HTR2C: variants seen among roughly 807,000 people sequenced by gnomAD.
HTR2C encodes the protein 5-hydroxytryptamine (serotonin) receptor 2C, G protein-coupled.
In HTR2C, 5 loss-of-function variants were observed where a neutral mutation model predicts 21.0. That is an observed-to-expected ratio of 0.24 (90% CI 0.12 to 0.50). The LOEUF (loss-of-function observed/expected upper bound fraction) is 0.50, where lower values mean the gene tolerates loss of function less well. HTR2C is among the 20% of genes least tolerant of loss of function. The probability of loss-of-function intolerance (pLI) is 0.98; values close to 1 mark genes in which losing one functional copy is unlikely to be tolerated. For synonymous variants in HTR2C, 150 were observed against 145.3 expected, an observed-to-expected ratio of 1.03 and a Z score of -0.23; for missense variants, 271 against 371.2, an observed-to-expected ratio of 0.73 and a Z score of 2.22.
At position 114,906,987 on chromosome X, in the gene HTR2C, T is replaced by C; in HGVS notation, c.949T>C (p.Phe317Leu). 8.3e-7 allele frequency: 1 copy of C among 1,211,332 alleles called. No homozygotes were observed. The highest frequency in any genetic ancestry group is 1.1e-6 in the Non-Finnish European group (1 of 895,317). Residue 317 changes from phenylalanine to leucine, a missense_variant, in exon 6 of 6, where the codon TTC (phenylalanine) becomes CTC (leucine). Transcript: ENST00000276198. ...RKASKVLGIV[F>L]FVFLIMWCPF... ...AGCTTCGAAAGTCCTTGGGATTGTT[T>C]TCTTTGTGTTTCTGATCATGTGGTG...
At chrX:114,654,062 TG>T (rs1556408947) in intron 2 of HTR2C, among the ~76,000 whole-genome samples, 1 of 110,333 alleles carries the variant, frequency 9.1e-6, no homozygotes, top group Non-Finnish European at 1.9e-5. Context: ...AATAATATCT[TG>T]TCTATCTGAA....
chrX:114,753,525 G>A (rs1556428781), intron 4 of HTR2C, among the ~76,000 whole-genome samples: 1 of 111,544 alleles, frequency 9.0e-6, no homozygotes, highest in African/African-American at 3.3e-5. Flanking sequence ...TGATGTAATT[G>A]TTTTTGTAGA....
intron 2 of HTR2C, among the ~76,000 whole-genome samples, chrX:114,689,737 A>G (rs1932051772): frequency 9.0e-6 from 1 of 111,541 alleles, no homozygotes; most frequent in South Asian, 3.7e-4. Context: ...TAACCAATCA[A>G]TGTAAAGATG....
At chrX:114,675,488 T>A (rs1318279203) in intron 2 of HTR2C, among the ~76,000 whole-genome samples, 1 of 112,501 alleles carries the variant, frequency 8.9e-6, no homozygotes, top group African/African-American at 3.2e-5. Context: ...CTAATCTATA[T>A]CCACAGGGTA....
intron 5 of HTR2C, among the ~76,000 whole-genome samples, chrX:114,871,070 A>C (rs1303826824): frequency 9.0e-6 from 1 of 110,509 alleles, no homozygotes; most frequent in African/African-American, 3.3e-5. Context: ...TATAGCTATA[A>C]AGTGCCTCTT....
At chrX:114,661,034 C>T (rs1227127717) in intron 2 of HTR2C, among the ~76,000 whole-genome samples, 3 of 112,515 alleles carry the variant, frequency 2.7e-5, no homozygotes, top group Non-Finnish European at 5.6e-5. Flanking sequence ...TTCCCCTCCC[C>T]TAAGCTTCCA....
intron 4 of HTR2C, among the ~76,000 whole-genome samples, chrX:114,757,367 T>C (rs1465393180): frequency 8.9e-6 from 1 of 111,891 alleles, no homozygotes; most frequent in Non-Finnish European, 1.9e-5. Context: ...TTCAATAGAA[T>C]TGTAATTTTT....
At chrX:114,779,897 GTA>G (rs1556440119) in intron 4 of HTR2C, among the ~76,000 whole-genome samples, 1 of 38,805 alleles carries the variant, frequency 2.6e-5, no homozygotes, top group Non-Finnish European at 6.7e-5. Context: ...GGATGTATAT[GTA>G]TATGTGTGTG....
chrX:114,892,914 A>T (rs1556483086), intron 5 of HTR2C, among the ~76,000 whole-genome samples: 1 of 105,553 alleles, frequency 9.5e-6, no homozygotes, highest in African/African-American at 3.3e-5. Flanking sequence ...TTTTATTTTT[A>T]TTTTTATTTT....
At chrX:114,673,306 T>C (rs1931446867) in intron 2 of HTR2C, among the ~76,000 whole-genome samples, 2 of 111,963 alleles carry the variant, frequency 1.8e-5, no homozygotes, top group South Asian at 7.3e-4. Flanking sequence ...TTATCTTCAA[T>C]GGATTTGATG....
chrX:114,724,309 G>A (rs1183565664), intron 2 of HTR2C, among the ~76,000 whole-genome samples: 1 of 100,424 alleles, frequency 1.0e-5, no homozygotes, highest in Non-Finnish European at 2.0e-5. Context: ...TTGGTTTAAA[G>A]TCTGTTTTAT....
chrX:114,610,556 C>T (rs1556398346), intron 1 of HTR2C, among the ~76,000 whole-genome samples: 1 of 111,579 alleles, frequency 9.0e-6, no homozygotes, highest in Admixed American at 9.6e-5. Flanking sequence ...AATAGAATTG[C>T]ACATGCGAAA....
At chrX:114,830,435 A>C (rs1451910540) in intron 4 of HTR2C, among the ~76,000 whole-genome samples, 3 of 110,905 alleles carry the variant, frequency 2.7e-5, no homozygotes, top group Admixed American at 1.9e-4. Flanking sequence ...TGTCTTGCCC[A>C]ATTAGTCTGC....
At chrX:114,607,298 A>G (rs185845005) in intron 1 of HTR2C, among the ~76,000 whole-genome samples, 1 of 111,970 alleles carries the variant, frequency 8.9e-6, no homozygotes, top group East Asian at 2.8e-4. Context: ...ATCAAACACA[A>G]TGTTTGACCA....
chrX:114,726,289 C>G (rs1933474432), intron 2 of HTR2C, among the ~76,000 whole-genome samples: 1 of 112,605 alleles, frequency 8.9e-6, no homozygotes, highest in African/African-American at 3.2e-5. Context: ...CAGGTGCCGT[C>G]TGTCACCCCT....
chrX:114,783,872 A>T (rs2147404144), intron 4 of HTR2C, among the ~76,000 whole-genome samples: 1 of 111,678 alleles, frequency 9.0e-6, no homozygotes, highest in East Asian at 2.8e-4. Context: ...AGAAAAATTT[A>T]AAAAACTGAA....
chrX:114,673,875 A>G (rs1364197708), intron 2 of HTR2C, among the ~76,000 whole-genome samples: 2 of 111,932 alleles, frequency 1.8e-5, no homozygotes, highest in African/African-American at 6.5e-5. Context: ...TTCTACTTCT[A>G]TAACTAAAAT....
At chrX:114,860,062 C>G (rs1200387248) in intron 5 of HTR2C, among the ~76,000 whole-genome samples, 1 of 111,272 alleles carries the variant, frequency 9.0e-6, no homozygotes, top group Non-Finnish European at 1.9e-5. Flanking sequence ...ATTGTCATTG[C>G]CTTTTGGCCA....
At chrX:114,738,469 C>A (rs1341896292) in intron 4 of HTR2C, among the ~76,000 whole-genome samples, 1 of 111,393 alleles carries the variant, frequency 9.0e-6, no homozygotes, top group Non-Finnish European at 1.9e-5. Flanking sequence ...AAAGAATACA[C>A]CACGACCAAC....
Sources: gnomAD v4.1 joint callset for allele counts (sites outside exome capture counted in the v4.1 genomes callset) on GRCh38, gnomAD v4.1.1 for gene constraint, MANE v1.5 for transcripts, NCBI Gene and HGNC (gene_info 2026-07-23, HGNC 2026-07-21) for gene names.